The following PARP8 variants were observed in gnomAD, a reference collection of about 807,000 sequenced individuals.
PARP8 encodes the protein protein mono-ADP-ribosyltransferase PARP8.
In PARP8, 51 loss-of-function variants were observed where a neutral mutation model predicts 124.1. The observed-to-expected ratio is 0.41, with a 90% CI of 0.33 to 0.52. The LOEUF is 0.52. PARP8 is among the 20% of genes least tolerant of loss of function. PARP8 has a pLI of 0.21. For synonymous variants in PARP8, 391 were observed against 361.5 expected, an observed-to-expected ratio of 1.08 and a Z score of -0.93; for missense variants, 860 against 1,018.9, an observed-to-expected ratio of 0.84 and a Z score of 2.12.
intron 25 of PARP8, among the ~76,000 whole-genome samples, chr5:50,839,638 C>T (rs1019356665): frequency 4.9e-4 from 73 of 148,812 alleles, no homozygotes; most frequent in African/African-American, 1.8e-3. Context: ...TTATTTAATA[C>T]TTTTAAGCAT....
intron 22 of PARP8, among the ~76,000 whole-genome samples, chr5:50,831,785 T>C (rs1043759333): frequency 7.2e-5 from 11 of 152,026 alleles, no homozygotes; most frequent in African/African-American, 2.7e-4. Context: ...ATGTAAAAAT[T>C]TGTGTTATAT....
At chr5:50,674,127 A>G (rs1391181506) in intron 2 of PARP8, among the ~76,000 whole-genome samples, 2 of 152,236 alleles carry the variant, frequency 1.3e-5, no homozygotes, top group Non-Finnish European at 2.9e-5. Flanking sequence ...TTTCACCATG[A>G]CATAAGTTGG....
intron 11 of PARP8, among the ~76,000 whole-genome samples, chr5:50,794,580 T>C (rs1742314676): frequency 6.6e-6 from 1 of 152,232 alleles, no homozygotes; most frequent in Non-Finnish European, 1.5e-5. Context: ...ACCTAGAGTT[T>C]TTCCTACCAA....
intron 2 of PARP8, among the ~76,000 whole-genome samples, chr5:50,689,028 T>G (rs1308763023): frequency 8.2e-6 from 1 of 122,506 alleles, no homozygotes; most frequent in African/African-American, 2.7e-5. Flanking sequence ...ATTTTTTTTT[T>G]TTGATTTTTT....
rs1174309436 is a variant in PARP8 at position 50,816,259 on chromosome 5, G to A, written c.1668+735G>A. The stretch of plus-strand genomic sequence containing the variant: ...AGTAGGTTTCAGCTCCTCACTTACT[G>A]AAGCATTATTTAGTAAGGGAAGTAG... On this transcript the variant is annotated intron_variant, in intron 15 of 25. Transcript: ENST00000281631. Among the ~76,000 whole-genome samples, 3 of 152,246 alleles carry A rather than the reference G, an allele frequency of 2.0e-5. No homozygotes were observed. The East Asian group carries it at 5.8e-4, about 29-fold the overall frequency.
rs1056069110 is a variant in PARP8 at position 50,844,986 on chromosome 5, T to TG, written c.*2919dup. The TG allele has an allele frequency of 1.2e-4, 18 of 149,542 alleles. No homozygotes were observed. The highest frequency in any genetic ancestry group is 4.6e-4 in the African/African-American group (18 of 39,560). The allele number at this position is 149,542 out of a possible 1,614,324, so 9.3% of individuals were successfully genotyped here. ...CTCAGTCATACGTTTGGTTTGAAGCTGTTTTTTTTTTTAATTTGAAGTTTA... is the reference window on the plus strand; with the variant it reads ...CTCAGTCATACGTTTGGTTTGAAGCTGGTTTTTTTTTTTAATTTGAAGTTTA... On this transcript the variant is annotated 3_prime_UTR_variant, in exon 26 of 26. Coordinates refer to ENST00000281631, the MANE Select transcript of PARP8 (RefSeq NM_024615.4).
chr5:50,826,793 C>T lies in PARP8; in HGVS notation c.1967C>T (p.Pro656Leu). 2 of 1,583,844 alleles carry T rather than the reference C, an allele frequency of 1.3e-6. No individual in the cohort carries two copies. The highest frequency in any genetic ancestry group is 1.7e-6 in the Non-Finnish European group (2 of 1,171,178). ...SSNRSHIVKL[P>L]VNRQLKFMHT... ...AATAGATCACATATTGTGAAACTGC[C>T]AGTTAACAGGGTAAGTTGTTTTTTT... The change falls in exon 19 of 26, where the codon CCA becomes CTA. Residue 656 changes from proline to leucine, a missense_variant. This residue lies in a region of PARP8 where 343 missense variants were observed against 474.7 expected (regional missense o/e 0.72). Coordinates refer to ENST00000281631, the MANE Select transcript of PARP8 (RefSeq NM_024615.4).
intron 2 of PARP8, among the ~76,000 whole-genome samples, chr5:50,698,752 A>G (rs1331852654): frequency 6.6e-6 from 1 of 152,196 alleles, no homozygotes; most frequent in Admixed American, 6.5e-5. Flanking sequence ...AAAGGAAGCC[A>G]TGGGACCAGG....
At chr5:50,824,512 A>T (rs146661871) in intron 17 of PARP8, among the ~76,000 whole-genome samples, 1 of 152,166 alleles carries the variant, frequency 6.6e-6, no homozygotes, top group Admixed American at 6.6e-5. Flanking sequence ...ACAGAAGGGG[A>T]TAAGTGGAGA....
chr5:50,741,172 G>C (rs1187009851), intron 2 of PARP8, among the ~76,000 whole-genome samples: 1 of 152,126 alleles, frequency 6.6e-6, no homozygotes, highest in Non-Finnish European at 1.5e-5. Context: ...TAGTTACAAA[G>C]TGTTCAGTAA....
At position 50,680,350 on chromosome 5, in the gene PARP8, G is replaced by C. The variant is rs182746904; in HGVS notation, c.146+12225G>C. Among the ~76,000 whole-genome samples, 728 of 152,086 alleles carry C rather than the reference G, an allele frequency of 4.8e-3. 4 individuals are homozygous for C. The highest frequency in any genetic ancestry group is 0.027 in the Middle Eastern group (8 of 292). ...TATAGTTGCTATAAAAGGCAAGGTGGGGAACAGACGGGTGAATGAGTACGG... is the reference window on the plus strand; with the variant it reads ...TATAGTTGCTATAAAAGGCAAGGTGCGGAACAGACGGGTGAATGAGTACGG... On this transcript the variant is annotated intron_variant, in intron 2 of 25. Coordinates refer to ENST00000281631, the MANE Select transcript of PARP8 (RefSeq NM_024615.4).
intron 7 of PARP8, among the ~76,000 whole-genome samples, chr5:50,764,011 C>T (rs988621769): frequency 6.6e-6 from 1 of 152,162 alleles, no homozygotes; most frequent in Non-Finnish European, 1.5e-5. Flanking sequence ...ATAAGCCGTT[C>T]TTTGATCAAG....
chr5:50,823,169 T>C (rs1745960923), intron 17 of PARP8, among the ~76,000 whole-genome samples: 1 of 152,194 alleles, frequency 6.6e-6, no homozygotes, highest in Admixed American at 6.5e-5. Flanking sequence ...CCTGGGTCCT[T>C]TATTTTCTCT....
intron 2 of PARP8, among the ~76,000 whole-genome samples, chr5:50,720,983 G>A (rs1287649443): frequency 6.6e-6 from 1 of 151,854 alleles, no homozygotes; most frequent in East Asian, 1.9e-4. Context: ...AAGTCTCCAG[G>A]GCCATACATG....
At chr5:50,836,188 T>G (rs1747562426) in intron 25 of PARP8, among the ~76,000 whole-genome samples, 1 of 152,154 alleles carries the variant, frequency 6.6e-6, no homozygotes, top group Non-Finnish European at 1.5e-5. Context: ...ATAGATTTCT[T>G]TCTTAACAGT....
chr5:50,785,114 A>C (rs1264219863), intron 9 of PARP8, among the ~76,000 whole-genome samples: 1 of 152,010 alleles, frequency 6.6e-6, no homozygotes, highest in Non-Finnish European at 1.5e-5. Flanking sequence ...CAAATTGCGA[A>C]TTTTGGAAAT....
intron 14 of PARP8, among the ~76,000 whole-genome samples, chr5:50,808,266 G>C (rs1744081230): frequency 6.6e-6 from 1 of 151,708 alleles, no homozygotes; most frequent in South Asian, 2.1e-4. Flanking sequence ...GAGCAAGCAG[G>C]AGGGAAGAAG....
At chr5:50,701,514 A>G (rs1176693327) in intron 2 of PARP8, among the ~76,000 whole-genome samples, 1 of 152,114 alleles carries the variant, frequency 6.6e-6, no homozygotes, top group East Asian at 1.9e-4. Flanking sequence ...CATAGTTTTC[A>G]TAAGTGGCAT....
chr5:50,820,867 T>G (rs1359464598), intron 15 of PARP8, among the ~76,000 whole-genome samples: 1 of 152,236 alleles, frequency 6.6e-6, no homozygotes, highest in Non-Finnish European at 1.5e-5. Context: ...TTAACTGATA[T>G]TTTATTGTGT....
Sources: gnomAD v4.1 joint callset for allele counts (sites outside exome capture counted in the v4.1 genomes callset) on GRCh38, gnomAD v4.1.1 for gene constraint, gnomAD v4.1.1 regional missense constraint, MANE v1.5 for transcripts, NCBI Gene and HGNC (gene_info 2026-07-23, HGNC 2026-07-21) for gene names.